CCKBR: variants seen among roughly 807,000 people sequenced by gnomAD.
CCKBR encodes the protein gastrin/cholecystokinin type B receptor.
In CCKBR, 33 loss-of-function variants were observed where a neutral mutation model predicts 34.6. The observed-to-expected ratio is 0.95, with a 90% CI of 0.72 to 1.27. CCKBR has a LOEUF of 1.27. CCKBR is among the 50% of genes most tolerant of loss of function. The pLI is 0.00. For missense variants in CCKBR, 652 were observed against 617.4 expected (o/e 1.06, Z -0.59); for synonymous variants, 269 against 267.5 (o/e 1.01, Z -0.06).
At chr11:6,261,073 GTATT>G (rs1848121738) in intron 1 of CCKBR, among the ~76,000 whole-genome samples, 1 of 152,144 alleles carries the variant, frequency 6.6e-6, no homozygotes. Context: ...TGTAATCCAA[GTATT>G]TATTTACCCC....
chr11:6,266,553 G>A (rs1259548983), intron 1 of CCKBR, among the ~76,000 whole-genome samples: 1 of 152,044 alleles, frequency 6.6e-6, no homozygotes, highest in Non-Finnish European at 1.5e-5. Context: ...GAATAACAGA[G>A]TACTGCAGGA....
chr11:6,261,341 G>C (rs1339737478), intron 1 of CCKBR, among the ~76,000 whole-genome samples: 1 of 149,646 alleles, frequency 6.7e-6, no homozygotes, highest in Non-Finnish European at 1.5e-5. Flanking sequence ...CTCTAGCCCA[G>C]CCCAGCCTCC....
In CCKBR at chr11:6,260,045, C is replaced by A; in HGVS notation, c.117C>A (p.Cys39Ter). Residue 39 changes from cysteine (C) to a stop codon, truncating the protein, a stop_gained, in exon 1 of 5, where the codon TGC becomes TGA. Coordinates refer to ENST00000334619, the MANE Select transcript of CCKBR (RefSeq NM_176875.4). LOFTEE classifies it high-confidence loss of function. Reference sequence around the variant, plus strand: ...GCAGCAGTGTGGGCAACCTCAGCTGCGAGCCCCCTCGCATTCGCGGAGCCG... The same window carrying A: ...GCAGCAGTGTGGGCAACCTCAGCTGAGAGCCCCCTCGCATTCGCGGAGCCG... ...LNSSSVGNLS[C>*]EPPRIRGAGT... 1 of 1,595,762 alleles carries A rather than the reference C, an allele frequency of 6.3e-7. No individual in the cohort carries two copies. The highest frequency in any genetic ancestry group is 8.5e-7 in the Non-Finnish European group (1 of 1,173,226).
intron 1 of CCKBR, among the ~76,000 whole-genome samples, chr11:6,262,067 A>T (rs1040105112): frequency 6.6e-6 from 1 of 152,244 alleles, no homozygotes; most frequent in Middle Eastern, 3.2e-3. Context: ...GTATACAATG[A>T]GAAAGATAAC....
intron 1 of CCKBR, chr11:6,264,538 G>A (rs912188666): frequency 4.0e-5 from 28 of 700,146 alleles, no homozygotes; most frequent in South Asian, 9.0e-5. Context: ...CTTCTGAGTC[G>A]CCTGGTCTGA....
rs200919066 is a variant in CCKBR at position 6,271,340 on chromosome 11, G to A, written c.1141G>A (p.Ala381Thr). The change falls in exon 5 of 5, where the codon GCC becomes ACC. Residue 381 changes from alanine (A) to threonine (T), a missense_variant. By Grantham distance (58) the Ala-to-Thr change is moderately conservative. Coordinates refer to ENST00000334619, the MANE Select transcript of CCKBR (RefSeq NM_176875.4). ...CTCCTTCATTCACTTGCTGAGCTAC[G>A]CCTCGGCCTGTGTCAACCCCCTGGT... is the stretch of plus-strand genomic sequence containing the variant. ...PISFIHLLSY[A>T]SACVNPLVYC... 1.2e-6 allele frequency: 2 copies of A among 1,614,134 alleles called. No individual in the cohort carries two copies. Among genetic ancestry groups the A allele is most frequent in the South Asian group, 1.1e-5 (1 of 91,084 alleles).
At chr11:6,260,798 G>A (rs534066742) in intron 1 of CCKBR, among the ~76,000 whole-genome samples, 2 of 152,316 alleles carry the variant, frequency 1.3e-5, no homozygotes, top group Admixed American at 6.5e-5. Context: ...GGGGGCACAG[G>A]GCAAACTAGA....
At chr11:6,262,038 T>TATTG (rs1848140901) in intron 1 of CCKBR, among the ~76,000 whole-genome samples, 3 of 152,182 alleles carry the variant, frequency 2.0e-5, no homozygotes, top group Admixed American at 2.0e-4. Flanking sequence ...ACTGAATGGA[T>TATTG]ATTGGTGCTA....
Position 6,270,072 on chromosome 11 carries a change from C to G in CCKBR, c.404-16C>G. On this transcript the variant is annotated splice_polypyrimidine_tract_variant and intron_variant, in intron 2 of 4. Transcript: ENST00000334619. ...AGTTTCCTAGGTGACTCCTTCCTTTCTCTTCCCTTGTTTAGGGGTGTCTGT... is the reference window on the plus strand; with the variant it reads ...AGTTTCCTAGGTGACTCCTTCCTTTGTCTTCCCTTGTTTAGGGGTGTCTGT... 1.3e-6 allele frequency: 2 copies of G among 1,595,020 alleles called. No homozygotes were observed. The highest frequency in any genetic ancestry group is 1.7e-6 in the Non-Finnish European group (2 of 1,167,654).
At position 6,264,658 on chromosome 11, in the gene CCKBR, A is replaced by G. The variant is rs571064944; in HGVS notation, c.151+4579A>G. 82 of 629,752 alleles carry G rather than the reference A, an allele frequency of 1.3e-4. 1 individual carries two copies. The South Asian group carries it at 1.5e-3, about 12-fold the overall frequency. 39.0% of individuals were successfully genotyped at this position (629,752 alleles called of 1,614,324 possible). On this transcript the variant is annotated intron_variant, in intron 1 of 4. Coordinates refer to ENST00000334619, the MANE Select transcript of CCKBR (RefSeq NM_176875.4). ...GGTGCTATCTCCCATCCTTCTACCC[A>G]TGCCTGTTTCCTAGTCACTGAAGCC...
intron 1 of CCKBR, among the ~76,000 whole-genome samples, chr11:6,261,462 T>TATATATATACAC (rs764173521): frequency 0.075 from 4,761 of 63,796 alleles, 423 homozygotes; most frequent in East Asian, 0.25. Context: ...AAAATATATA[T>TATATATATACAC]ACACACACAC....
At chr11:6,262,347 C>T (rs951696051) in intron 1 of CCKBR, among the ~76,000 whole-genome samples, 1 of 151,828 alleles carries the variant, frequency 6.6e-6, no homozygotes, top group Non-Finnish European at 1.5e-5. Context: ...TGCATAAGAC[C>T]ATTATTTAAA....
In CCKBR at chr11:6,271,230, T is replaced by C; in HGVS notation, c.1031T>C (p.Leu344Pro). 1 of 1,614,202 alleles carries C rather than the reference T, an allele frequency of 6.2e-7. No homozygotes were observed. Among genetic ancestry groups the C allele is most frequent in the East Asian group, 2.2e-5 (1 of 44,880 alleles). Residue 344 changes from leucine to proline, a missense_variant, in exon 5 of 5, where the codon CTG becomes CCG. Leu to Pro is a moderately conservative substitution (Grantham distance 98, BLOSUM62 -3). Coordinates refer to ENST00000334619, the MANE Select transcript of CCKBR (RefSeq NM_176875.4). ...MLLVIVVLFF[L>P]CWLPVYSANT... ...CTGGTGATCGTTGTGCTTTTTTTTC[T>C]GTGTTGGTTGCCAGTTTATAGTGCC...
At chr11:6,266,894 C>T (rs1383681934) in intron 1 of CCKBR, among the ~76,000 whole-genome samples, 1 of 152,204 alleles carries the variant, frequency 6.6e-6, no homozygotes, top group Non-Finnish European at 1.5e-5. Flanking sequence ...GTATAGCCTA[C>T]TGCTCCCAGG....
intron 1 of CCKBR, among the ~76,000 whole-genome samples, chr11:6,261,462 TACACACACACACAC>T (rs60678871): frequency 3.1e-5 from 2 of 64,016 alleles, no homozygotes; most frequent in Non-Finnish European, 5.7e-5. Flanking sequence ...AAAATATATA[TACACACACACACAC>T]ACACACACAC....
chr11:6,263,562 G>A (rs745606262), intron 1 of CCKBR, among the ~76,000 whole-genome samples: 4 of 147,988 alleles, frequency 2.7e-5, no homozygotes, highest in East Asian at 2.0e-4. Flanking sequence ...CTTGACCTCC[G>A]CAGGCTCAAG....
At chr11:6,270,410 A>G in intron 3 of CCKBR, 73 bp downstream of exon 3, 1 of 1,532,638 alleles carries the variant, frequency 6.5e-7, no homozygotes, top group South Asian at 1.2e-5. Flanking sequence ...ATTGCCCAGA[A>G]TCTTCCTCCA....
At chr11:6,268,394 C>T (rs2133901983) in intron 1 of CCKBR, among the ~76,000 whole-genome samples, 1 of 152,278 alleles carries the variant, frequency 6.6e-6, no homozygotes, top group Non-Finnish European at 1.5e-5. Flanking sequence ...GTGAGTAATT[C>T]AGTCCTGTTC....
Position 6,271,375 on chromosome 11 carries a change from C to T in CCKBR, c.1176C>T (p.Phe392=). The change falls in exon 5 of 5, where the codon TTC becomes TTT. Residue 392 remains phenylalanine, a synonymous_variant. Transcript: ENST00000334619. ...SACVNPLVYC[F]MHRRFRQACL... ...GTGTCAACCCCCTGGTCTACTGCTT[C>T]ATGCACCGTCGCTTTCGCCAGGCCT... 6.2e-7 allele frequency: 1 copy of T among 1,614,158 alleles called. No homozygotes were observed. The highest frequency in any genetic ancestry group is 8.5e-7 in the Non-Finnish European group (1 of 1,180,022).
Sources: gnomAD v4.1 joint callset for allele counts (sites outside exome capture counted in the v4.1 genomes callset) on GRCh38, gnomAD v4.1.1 for gene constraint, MANE v1.5 for transcripts, NCBI Gene and HGNC (gene_info 2026-07-23, HGNC 2026-07-21) for gene names.